DENND2B: variants seen among roughly 807,000 people sequenced by gnomAD.
DENND2B encodes the protein DENN domain-containing protein 2B.
Under a neutral mutation model 116.0 loss-of-function variants are expected in DENND2B, and 32 were observed. The ratio of observed to expected loss-of-function variants is 0.28; its 90% CI spans 0.21 to 0.37. The LOEUF (loss-of-function observed/expected upper bound fraction) is 0.37, where lower values mean the gene tolerates loss of function less well. DENND2B is among the 10% of genes least tolerant of loss of function. DENND2B has a pLI of 1.00. For synonymous variants in DENND2B, 588 were observed against 583.9 expected (o/e 1.01, Z -0.10); for missense variants, 1,276 against 1,477.7 (o/e 0.86, Z 2.24).
chr11:8,842,153 G>A (rs1202383524), intron 3 of DENND2B, among the ~76,000 whole-genome samples: 3 of 152,076 alleles, frequency 2.0e-5, no homozygotes, highest in East Asian at 1.9e-4. Flanking sequence ...GTAGGTCCCC[G>A]GTGCTGACTC....
intron 4 of DENND2B, among the ~76,000 whole-genome samples, chr11:8,824,622 A>T (rs2061900637): frequency 6.6e-6 from 1 of 151,886 alleles, no homozygotes; most frequent in Non-Finnish European, 1.5e-5. Context: ...GGTTGATTCC[A>T]TGTCTTTGCT....
chr11:8,745,885 G>A (rs1268955864), intron 2 of DENND2B, among the ~76,000 whole-genome samples: 5 of 152,204 alleles, frequency 3.3e-5, no homozygotes, highest in African/African-American at 9.6e-5. Context: ...TAGCCATTGA[G>A]TCACCCATAA....
intron 3 of DENND2B, among the ~76,000 whole-genome samples, chr11:8,846,186 G>T (rs1156405304): frequency 1.3e-5 from 2 of 152,210 alleles, no homozygotes; most frequent in Non-Finnish European, 2.9e-5. Context: ...AACACTCATG[G>T]AATTGCAACC....
intron 1 of DENND2B, among the ~76,000 whole-genome samples, chr11:8,896,836 C>T (rs1310095915): frequency 6.6e-6 from 1 of 152,206 alleles, no homozygotes; most frequent in Non-Finnish European, 1.5e-5. Context: ...GTATTAAATG[C>T]ATTTTTGACT....
At chr11:8,872,313 C>G (rs2063793532), upstream of DENND2B, among the ~76,000 whole-genome samples, 1 of 151,798 alleles carries the variant, frequency 6.6e-6, no homozygotes, top group Non-Finnish European at 1.5e-5. Context: ...ATGGTGAAAC[C>G]CCATCTCTAC....
intron 4 of DENND2B, among the ~76,000 whole-genome samples, chr11:8,832,167 C>CCT (rs1352887087): frequency 6.6e-6 from 1 of 152,056 alleles, no homozygotes; most frequent in Non-Finnish European, 1.5e-5. Flanking sequence ...AGAACCAACA[C>CCT]CTCGGCCAGG....
intron 1 of DENND2B, among the ~76,000 whole-genome samples, chr11:8,759,132 G>A (rs938331199): frequency 2.6e-5 from 4 of 152,178 alleles, no homozygotes; most frequent in Non-Finnish European, 5.9e-5. Flanking sequence ...TCCAAGAAGG[G>A]ACCGATGAGA....
At chr11:8,867,930 C>T (rs751951614) in intron 2 of DENND2B, among the ~76,000 whole-genome samples, 3 of 152,088 alleles carry the variant, frequency 2.0e-5, no homozygotes, top group Non-Finnish European at 4.4e-5. Flanking sequence ...GGAAAAGGCA[C>T]ATCAACTTAC....
chr11:8,699,454 G>T, intron 14 of DENND2B, 64 bp from the exon 15 acceptor site: 1 of 1,489,096 alleles, frequency 6.7e-7, no homozygotes, highest in Non-Finnish European at 9.0e-7. Flanking sequence ...GCTCGCTGGA[G>T]GCTCAGGACA....
At chr11:8,848,577 A>G (rs966086557) in intron 3 of DENND2B, among the ~76,000 whole-genome samples, 1 of 152,202 alleles carries the variant, frequency 6.6e-6, no homozygotes, top group South Asian at 2.1e-4. Context: ...GAGAGTGGTT[A>G]TAGATTTTTA....
Position 8,707,758 on chromosome 11 carries a change from G to T in DENND2B, c.2430+19C>A. The T allele has an allele frequency of 6.3e-7, 1 of 1,594,414 alleles. No individual in the cohort carries two copies. Among genetic ancestry groups the T allele is most frequent in the Non-Finnish European group, 8.5e-7 (1 of 1,170,646 alleles). ...TGTCAGCTGGGGGACGGGGAGGGAA[G>T]CCTGCCAGAGCCTCTTACCTTGGAA... On this transcript the variant is annotated intron_variant, in intron 12 of 19. Coordinates refer to ENST00000313726, the MANE Select transcript of DENND2B (RefSeq NM_213618.2). This position sits in a 1 kb window ranked among gnomAD's most constrained non-coding sequence, Gnocchi z 4.8.
chr11:8,809,266 T>C (rs1258693653), intron 1 of DENND2B: 1 of 152,232 alleles, frequency 6.6e-6, no homozygotes, highest in Non-Finnish European at 1.5e-5. Flanking sequence ...ACATGGCCAG[T>C]GCTTGCATTG....
chr11:8,705,544 T>C (rs2042449757), intron 13 of DENND2B, among the ~76,000 whole-genome samples: 1 of 152,182 alleles, frequency 6.6e-6, no homozygotes, highest in Non-Finnish European at 1.5e-5. Context: ...GGCTCTCTTC[T>C]CTTCCCTATT....
At chr11:8,698,136 C>CAAAA (rs1412965901) in intron 16 of DENND2B, among the ~76,000 whole-genome samples, 6 of 10,594 alleles carry the variant, frequency 5.7e-4, no homozygotes, top group South Asian at 0.017. Context: ...GACCCTGTCT[C>CAAAA]CAAAAAAAAA....
chr11:8,878,897 G>C (rs2134724382), intron 2 of DENND2B, among the ~76,000 whole-genome samples: 1 of 152,276 alleles, frequency 6.6e-6, no homozygotes, highest in South Asian at 2.1e-4. Context: ...AAAGAAATGG[G>C]AGGTAACTGC....
upstream of DENND2B, among the ~76,000 whole-genome samples, chr11:8,872,501 A>AC (rs2063798599): frequency 6.6e-6 from 1 of 151,772 alleles, no homozygotes; most frequent in Non-Finnish European, 1.5e-5. Context: ...AAAAAAAAAA[A>AC]AGAAAAAAAA....
At chr11:8,811,614 G>C (rs2061377649), upstream of DENND2B, 3 of 336,966 alleles carry the variant, frequency 8.9e-6, no homozygotes, top group East Asian at 1.4e-4. Flanking sequence ...CCCCTACCCA[G>C]CATACATTTC....
chr11:8,841,906 G>A (rs77931378), intron 3 of DENND2B, among the ~76,000 whole-genome samples: 3,367 of 152,194 alleles, frequency 0.022, 116 homozygotes, highest in Admixed American at 0.058. Context: ...AGGGTACTTG[G>A]GTTTTCAGGC....
chr11:8,878,642 A>G (rs2063870374), intron 2 of DENND2B, among the ~76,000 whole-genome samples: 1 of 152,206 alleles, frequency 6.6e-6, no homozygotes, highest in Admixed American at 6.5e-5. Context: ...CAGCCTCCCA[A>G]AGTGCTGGGA....
Sources: allele counts gnomAD v4.1 joint callset (sites outside exome capture counted in the v4.1 genomes callset), GRCh38; gene constraint gnomAD v4.1.1; non-coding constraint Gnocchi (gnomAD v3.1); transcripts MANE v1.5; gene names NCBI Gene and HGNC (gene_info 2026-07-23, HGNC 2026-07-21).